Variants in EPHA6 observed in about 807,000 individuals in gnomAD.
EPHA6 encodes EPH receptor A6, also known as ephrin type-A receptor 6.
Under a neutral mutation model 112.0 loss-of-function variants are expected in EPHA6, and 50 were observed. That is an observed-to-expected ratio of 0.45 (90% CI 0.36 to 0.56). The LOEUF (loss-of-function observed/expected upper bound fraction) is 0.56. EPHA6 is among the 20% of genes least tolerant of loss of function. The pLI is 0.00. For missense variants in EPHA6, 1,280 were observed against 1,417.4 expected (o/e 0.90, Z 1.56); for synonymous variants, 529 against 490.7 (o/e 1.08, Z -1.03).
At chr3:97,095,658 C>CT (rs1161335766) in intron 3 of EPHA6, among the ~76,000 whole-genome samples, 1 of 151,684 alleles carries the variant, frequency 6.6e-6, no homozygotes, top group African/African-American at 2.4e-5. Context: ...GGCCATATGA[C>CT]TAAGTATGTG....
At chr3:97,485,450 C>T (rs1027682633) in intron 10 of EPHA6, among the ~76,000 whole-genome samples, 2 of 152,164 alleles carry the variant, frequency 1.3e-5, no homozygotes, top group African/African-American at 4.8e-5. Context: ...AGAAGTAGAA[C>T]TACCTCAAGA....
At chr3:97,709,930 T>C (rs901904017) in intron 14 of EPHA6, among the ~76,000 whole-genome samples, 3 of 152,238 alleles carry the variant, frequency 2.0e-5, no homozygotes, top group Admixed American at 2.0e-4. Flanking sequence ...CATGTGGAAC[T>C]GTGAGTCAAT....
At chr3:96,829,806 A>AT (rs942185650) in intron 1 of EPHA6, among the ~76,000 whole-genome samples, 12 of 152,114 alleles carry the variant, frequency 7.9e-5, no homozygotes, top group African/African-American at 2.7e-4. Context: ...GGAAATGGAA[A>AT]TATATTGAGT....
At chr3:97,270,693 G>A (rs2079849087) in intron 5 of EPHA6, among the ~76,000 whole-genome samples, 1 of 152,146 alleles carries the variant, frequency 6.6e-6, no homozygotes, top group Non-Finnish European at 1.5e-5. Context: ...CTTTTATTCA[G>A]TTTCTTAACT....
At position 97,641,711 on chromosome 3, in the gene EPHA6, C is replaced by T. The variant is rs560126351; in HGVS notation, c.2784+3629C>T. Among the ~76,000 whole-genome samples the T allele has an allele frequency of 9.8e-5, 15 of 152,302 alleles. 1 individual carries two copies. The South Asian group carries it at 2.3e-3, about 23-fold the overall frequency. On this transcript the variant is annotated intron_variant, in intron 14 of 17. Coordinates refer to ENST00000389672, the MANE Select transcript of EPHA6 (RefSeq NM_001080448.3). The stretch of plus-strand genomic sequence containing the variant: ...CCTGGAAAATCGGGTCACTCCCACC[C>T]GAATATTGCGCTTTTCAGACCGGCT...
chr3:97,366,837 C>T (rs1249866747), intron 5 of EPHA6, among the ~76,000 whole-genome samples: 2 of 152,098 alleles, frequency 1.3e-5, no homozygotes, highest in Non-Finnish European at 2.9e-5. Flanking sequence ...AACGGCATAC[C>T]CTTAAATTCC....
intron 2 of EPHA6, among the ~76,000 whole-genome samples, chr3:96,973,569 C>A (rs2042397585): frequency 6.6e-6 from 1 of 151,708 alleles, no homozygotes; most frequent in African/African-American, 2.4e-5. Context: ...TGCCTATAAT[C>A]CCAGCACTTT....
At position 97,369,879 on chromosome 3, in the gene EPHA6, C is replaced by T. The variant is rs571379153; in HGVS notation, c.1607-35271C>T. ...CCTGCTAATATATAACAGCAATCTA[C>T]CAGATACAAAAAAATCAAAGTTTTC... On this transcript the variant is annotated intron_variant, in intron 5 of 17. Coordinates refer to ENST00000389672, the MANE Select transcript of EPHA6 (RefSeq NM_001080448.3). 1.8e-4 allele frequency among the ~76,000 whole-genome samples: 28 copies of T among 152,136 alleles called. No individual in the cohort carries two copies. In the South Asian group the frequency reaches 5.8e-3, roughly 32 times the overall value.
chr3:97,016,101 T>C (rs1387618336), intron 3 of EPHA6, among the ~76,000 whole-genome samples: 3 of 151,852 alleles, frequency 2.0e-5, no homozygotes, highest in African/African-American at 4.8e-5. Flanking sequence ...AATCCCAAAG[T>C]GGTGAATGAA....
chr3:96,941,912 G>A (rs955340775), intron 2 of EPHA6, among the ~76,000 whole-genome samples: 5 of 152,118 alleles, frequency 3.3e-5, no homozygotes, highest in Admixed American at 2.0e-4. Flanking sequence ...GTAGAACAGC[G>A]GTGGCTGTAG....
chr3:97,093,859 G>A (rs1047779008), intron 3 of EPHA6, among the ~76,000 whole-genome samples: 13 of 151,984 alleles, frequency 8.6e-5, no homozygotes, highest in Admixed American at 7.2e-4. Context: ...TCTTTCCCAC[G>A]GGAGTAGTAA....
intron 5 of EPHA6, among the ~76,000 whole-genome samples, chr3:97,322,892 T>C (rs370136446): frequency 6.6e-6 from 1 of 152,124 alleles, no homozygotes; most frequent in South Asian, 2.1e-4. Context: ...CATTGCCTAG[T>C]ATATTATTTA....
chr3:96,900,945 A>G (rs1000089545), intron 2 of EPHA6, among the ~76,000 whole-genome samples: 1 of 152,222 alleles, frequency 6.6e-6, no homozygotes, highest in Non-Finnish European at 1.5e-5. Flanking sequence ...CTCATTCTGA[A>G]TCTTTGACCT....
chr3:97,600,634 GGACATGT>G (rs1403147670), intron 12 of EPHA6, among the ~76,000 whole-genome samples: 1 of 151,924 alleles, frequency 6.6e-6, no homozygotes, highest in East Asian at 1.9e-4. Context: ...CCAAGAAAAT[GGACATGT>G]GATCATGTAT....
chr3:96,919,612 A>G (rs2039659435), intron 2 of EPHA6, among the ~76,000 whole-genome samples: 1 of 151,842 alleles, frequency 6.6e-6, no homozygotes, highest in Non-Finnish European at 1.5e-5. Context: ...GTTATAATTG[A>G]CTGTAATAAC....
At chr3:97,252,648 A>T (rs905330731) in intron 5 of EPHA6, among the ~76,000 whole-genome samples, 5 of 152,130 alleles carry the variant, frequency 3.3e-5, no homozygotes, top group African/African-American at 1.2e-4. Flanking sequence ...CATGGCTAAG[A>T]GTGGGGGAGT....
chr3:97,596,875 A>AATATATATATATATATATATATAT (rs62670860), intron 12 of EPHA6, among the ~76,000 whole-genome samples: 21 of 100,372 alleles, frequency 2.1e-4, no homozygotes, highest in South Asian at 6.1e-4. Context: ...ATATCTATGG[A>AATATATATATATATATATATATAT]ATATATATAT....
At chr3:97,149,364 T>G (rs2076116021) in intron 3 of EPHA6, among the ~76,000 whole-genome samples, 1 of 152,110 alleles carries the variant, frequency 6.6e-6, no homozygotes, top group African/African-American at 2.4e-5. Flanking sequence ...ACAGTTGACA[T>G]GTAATAAGCA....
intron 5 of EPHA6, among the ~76,000 whole-genome samples, chr3:97,257,719 T>C (rs1255247509): frequency 6.6e-6 from 1 of 152,012 alleles, no homozygotes; most frequent in Non-Finnish European, 1.5e-5. Context: ...TGTATGTGTA[T>C]AGAAAAATTT....
Sources: gnomAD v4.1 joint callset for allele counts (sites outside exome capture counted in the v4.1 genomes callset) on GRCh38, gnomAD v4.1.1 for gene constraint, MANE v1.5 for transcripts, NCBI Gene and HGNC (gene_info 2026-07-23, HGNC 2026-07-21) for gene names.